The following ZNF407 variants were observed in gnomAD, a reference collection of about 807,000 sequenced individuals.
ZNF407 encodes zinc finger protein 407.
ZNF407 carries 17 observed loss-of-function variants against 131.2 expected under a neutral mutation model. The ratio of observed to expected loss-of-function variants is 0.13; its 90% CI spans 0.09 to 0.19. The LOEUF (loss-of-function observed/expected upper bound fraction) is 0.19. ZNF407 is among the 10% of genes least tolerant of loss of function. ZNF407 has a pLI of 1.00. For missense variants in ZNF407, 2,681 were observed against 2,830.6 expected (o/e 0.95, Z 1.20); for synonymous variants, 1,156 against 1,062.0 (o/e 1.09, Z -1.72).
intron 3 of ZNF407, among the ~76,000 whole-genome samples, chr18:74,775,936 G>C (rs1366654003): frequency 3.3e-5 from 5 of 152,198 alleles, no homozygotes; most frequent in African/African-American, 4.8e-5. Flanking sequence ...ACAGTACCGA[G>C]GCTGACGCTA....
intron 3 of ZNF407, among the ~76,000 whole-genome samples, chr18:74,779,969 A>G (rs1969565190): frequency 6.6e-6 from 1 of 152,044 alleles, no homozygotes; most frequent in Admixed American, 6.6e-5. Flanking sequence ...TTTTTAAGGA[A>G]ATGAAAAATG....
At chr18:74,738,656 G>GCT (rs1968477812) in intron 3 of ZNF407, among the ~76,000 whole-genome samples, 1 of 150,422 alleles carries the variant, frequency 6.6e-6, no homozygotes, top group Non-Finnish European at 1.5e-5. Flanking sequence ...GGAGAATCGT[G>GCT]TGAACCTGGG....
At chr18:74,957,597 T>C (rs1972291463) in intron 8 of ZNF407, among the ~76,000 whole-genome samples, 1 of 152,186 alleles carries the variant, frequency 6.6e-6, no homozygotes, top group African/African-American at 2.4e-5. Context: ...AAGTATCTAA[T>C]TAGTGAATTC....
chr18:74,817,506 G>A (rs968912009), intron 4 of ZNF407, among the ~76,000 whole-genome samples: 19 of 152,168 alleles, frequency 1.2e-4, no homozygotes, highest in Non-Finnish European at 2.8e-4. Flanking sequence ...TAATTTATAT[G>A]TAAAAATAGG....
chr18:74,657,880 GCTCT>G (rs1043500620), intron 3 of ZNF407, among the ~76,000 whole-genome samples: 6 of 150,062 alleles, frequency 4.0e-5, no homozygotes, highest in African/African-American at 1.5e-4. Flanking sequence ...TCAGCCTCTT[GCTCT>G]CTACTTCTCC....
intron 4 of ZNF407, among the ~76,000 whole-genome samples, chr18:74,816,105 C>A (rs530016788): frequency 6.6e-6 from 1 of 152,136 alleles, no homozygotes; most frequent in African/African-American, 2.4e-5. Flanking sequence ...TATGAAGGGA[C>A]AATCATGAAT....
chr18:74,998,246 C>T (rs920422564), intron 8 of ZNF407, among the ~76,000 whole-genome samples: 1 of 152,116 alleles, frequency 6.6e-6, no homozygotes, highest in African/African-American at 2.4e-5. Context: ...CTTTAGTTTA[C>T]TCAGCTTAGC....
intron 8 of ZNF407, among the ~76,000 whole-genome samples, chr18:74,948,373 G>T (rs1024295940): frequency 2.0e-5 from 3 of 152,068 alleles, no homozygotes; most frequent in Admixed American, 2.0e-4. Context: ...AGACTGCTCC[G>T]TCTATTTGTA....
intron 3 of ZNF407, among the ~76,000 whole-genome samples, chr18:74,728,237 C>T (rs74762261): frequency 0.02 from 3,012 of 152,146 alleles, 70 homozygotes; most frequent in African/African-American, 0.054. Context: ...ATTTGATATA[C>T]GAAGTCACAG....
rs781708782 is a variant in ZNF407, at chr18:74,633,357, A to T, written c.2338A>T (p.Ile780Leu). The T allele has an allele frequency of 6.2e-7, 1 of 1,613,974 alleles. No individual in the cohort carries two copies. Among genetic ancestry groups the T allele is most frequent in the Non-Finnish European group, 8.5e-7 (1 of 1,179,890 alleles). ...SFEECIERVC[I>L]GANDKKEEFD... ...TGAAGAATGTATTGAAAGGGTATGT[A>T]TAGGTGCAAATGATAAAAAAGAAGA... Residue 780 changes from isoleucine to leucine, a missense_variant, in exon 2 of 9, where the codon ATA (isoleucine) becomes TTA (leucine). By Grantham distance (5) the Ile-to-Leu change is conservative. This residue lies in a region of ZNF407 where 1,789 missense variants were observed against 1,748.7 expected (regional missense o/e 1.02). Transcript: ENST00000299687.
intron 3 of ZNF407, among the ~76,000 whole-genome samples, chr18:74,741,626 T>C (rs1568192587): frequency 6.6e-6 from 1 of 152,178 alleles, no homozygotes; most frequent in Non-Finnish European, 1.5e-5. Flanking sequence ...ATTATAGATA[T>C]AGAATCTATA....
chr18:74,899,473 C>T (rs1476147994), intron 7 of ZNF407, among the ~76,000 whole-genome samples: 2 of 152,098 alleles, frequency 1.3e-5, no homozygotes, highest in African/African-American at 4.8e-5. Context: ...GGGAGGTCCT[C>T]TCTCCTGGAG....
intron 5 of ZNF407, among the ~76,000 whole-genome samples, chr18:74,878,940 T>C (rs1423769692): frequency 8.8e-6 from 1 of 113,980 alleles, no homozygotes; most frequent in African/African-American, 3.4e-5. Flanking sequence ...GAAAAACAAA[T>C]CAAGCCACCC....
chr18:74,926,283 C>T (rs1971912274), intron 8 of ZNF407, among the ~76,000 whole-genome samples: 1 of 152,190 alleles, frequency 6.6e-6, no homozygotes, highest in African/African-American at 2.4e-5. Flanking sequence ...AAAGAACTCT[C>T]TTACATACTT....
At chr18:74,618,994 C>T (rs1376311122) in intron 1 of ZNF407, among the ~76,000 whole-genome samples, 3 of 152,058 alleles carry the variant, frequency 2.0e-5, no homozygotes, top group Non-Finnish European at 4.4e-5. Flanking sequence ...TAGTTTTTGT[C>T]TTTTATCCCC....
chr18:74,644,136 A>C (rs1255976413), intron 3 of ZNF407, among the ~76,000 whole-genome samples: 1 of 150,644 alleles, frequency 6.6e-6, no homozygotes, highest in African/African-American at 2.4e-5. Flanking sequence ...GGATAACTTC[A>C]GGTTAAGAGC....
chr18:74,919,704 C>T (rs1479110248), intron 7 of ZNF407, among the ~76,000 whole-genome samples: 1 of 152,138 alleles, frequency 6.6e-6, no homozygotes, highest in South Asian at 2.1e-4. Flanking sequence ...AACAGCTCCG[C>T]GTGTGTATTC....
chr18:74,859,039 G>C (rs1310226320), intron 4 of ZNF407, among the ~76,000 whole-genome samples: 1 of 152,084 alleles, frequency 6.6e-6, no homozygotes, highest in African/African-American at 2.4e-5. Flanking sequence ...AAGCTCTGTA[G>C]TGGAGTTTTT....
At chr18:74,623,814 GATA>G (rs1014313256) in intron 1 of ZNF407, among the ~76,000 whole-genome samples, 2 of 152,098 alleles carry the variant, frequency 1.3e-5, no homozygotes, top group African/African-American at 4.8e-5. Context: ...TAGAAATGAA[GATA>G]ATAAAGCTAC....
Sources: gnomAD v4.1 joint callset for allele counts (sites outside exome capture counted in the v4.1 genomes callset) on GRCh38, gnomAD v4.1.1 for gene constraint, gnomAD v4.1.1 regional missense constraint, MANE v1.5 for transcripts, NCBI Gene and HGNC (gene_info 2026-07-23, HGNC 2026-07-21) for gene names.